Variants in SP110 observed in about 807,000 individuals in gnomAD.
SP110 encodes the protein interferon-induced protein 41, 30kD.
SP110 carries 62 observed loss-of-function variants against 92.7 expected under a neutral mutation model. The observed-to-expected ratio is 0.67, with a 90% CI of 0.55 to 0.83. SP110 has a LOEUF of 0.83. SP110 is among the 40% of genes least tolerant of loss of function. SP110 has a pLI of 0.00. For synonymous variants in SP110, 273 were observed against 305.3 expected, an observed-to-expected ratio of 0.89 and a Z score of 1.10; for missense variants, 793 against 863.9, an observed-to-expected ratio of 0.92 and a Z score of 1.03.
intron 8 of SP110, among the ~76,000 whole-genome samples, chr2:230,206,215 A>G (rs886179322): frequency 2.0e-5 from 3 of 152,052 alleles, no homozygotes; most frequent in African/African-American, 7.2e-5. Context: ...AGTTGTCTAC[A>G]TATGTTATCA....
intron 12 of SP110, among the ~76,000 whole-genome samples, chr2:230,181,656 CT>C (rs1360158760): frequency 2.6e-5 from 4 of 152,166 alleles, no homozygotes; most frequent in African/African-American, 4.8e-5. Flanking sequence ...TGAACAGACA[CT>C]TCTCAAAAGA....
At chr2:230,188,365 T>C (rs562479890) in intron 10 of SP110, among the ~76,000 whole-genome samples, 2 of 152,308 alleles carry the variant, frequency 1.3e-5, no homozygotes, top group African/African-American at 4.8e-5. Context: ...ACTGGATTCA[T>C]TTATCAAATC....
intron 12 of SP110, among the ~76,000 whole-genome samples, chr2:230,179,402 G>GTCT (rs2042023660): frequency 2.0e-5 from 3 of 147,384 alleles, no homozygotes; most frequent in Non-Finnish European, 4.5e-5. Flanking sequence ...GCATGGAGTG[G>GTCT]CCAGCTCCAC....
intron 15 of SP110, 114 bp from the exon 16 acceptor site, chr2:230,172,288 C>A: frequency 1.3e-6 from 1 of 779,454 alleles, no homozygotes; most frequent in Non-Finnish European, 2.3e-6. Flanking sequence ...GAGGGTGGGA[C>A]ACCTCCCAGA....
At chr2:230,196,771 C>T (rs2148823928) in intron 10 of SP110, among the ~76,000 whole-genome samples, 1 of 151,922 alleles carries the variant, frequency 6.6e-6, no homozygotes, top group East Asian at 1.9e-4. Context: ...CAATTCCCAC[C>T]TATGAGTGAG....
chr2:230,217,392 A>G (rs1242282687), intron 1 of SP110, among the ~76,000 whole-genome samples: 1 of 152,214 alleles, frequency 6.6e-6, no homozygotes, highest in African/African-American at 2.4e-5. Context: ...TAAAAGGCTC[A>G]TGGGTATAGG....
Position 230,167,133 on chromosome 2 carries a change from G to A in SP110, c.*1991C>T, listed in dbSNP as rs1357911058. On this transcript the variant is annotated 3_prime_UTR_variant, in exon 19 of 19. Transcript: ENST00000258381. The stretch of plus-strand genomic sequence containing the variant: ...TTTTTTTTTTTTTTTTTGAGGCAGG[G>A]TCTCTGTTGTCCAGGCTGGAGTGCA... 1 of 147,060 alleles carries A rather than the reference G, an allele frequency of 6.8e-6. No homozygotes were observed. The highest frequency in any genetic ancestry group is 1.5e-5 in the Non-Finnish European group (1 of 67,188). The allele number at this position is 147,060 out of a possible 1,614,324, so 9.1% of individuals were successfully genotyped here.
At chr2:230,218,684 C>T (rs1302531216) in intron 1 of SP110, among the ~76,000 whole-genome samples, 1 of 152,128 alleles carries the variant, frequency 6.6e-6, no homozygotes, top group Non-Finnish European at 1.5e-5. Flanking sequence ...TAGTAACTCA[C>T]CCAAGGTATT....
At chr2:230,172,200 A>C (rs2078462593) in intron 15 of SP110, 26 bp from the exon 16 acceptor site, 2 of 1,397,090 alleles carry the variant, frequency 1.4e-6, no homozygotes, top group Non-Finnish European at 2.0e-6. Flanking sequence ...CAAGGTGAGC[A>C]GAGGGCAAAG....
chr2:230,215,737 C>G (rs2045081958), intron 2 of SP110, among the ~76,000 whole-genome samples: 1 of 152,186 alleles, frequency 6.6e-6, no homozygotes, highest in South Asian at 2.1e-4. Context: ...TGAATAAGAC[C>G]AACATGGAGT....
chr2:230,212,678 T>A (rs1476383149), intron 4 of SP110, 83 bp downstream of exon 4: 2 of 1,547,074 alleles, frequency 1.3e-6, no homozygotes, highest in African/African-American at 1.4e-5. Flanking sequence ...ACAATAAAAG[T>A]CAAGATGCTG....
chr2:230,217,788 C>T (rs377649070), intron 1 of SP110, among the ~76,000 whole-genome samples: 79 of 152,326 alleles, frequency 5.2e-4, no homozygotes, highest in African/African-American at 1.7e-3. Context: ...ACCTGGGCTA[C>T]GGCTGAAGCC....
chr2:230,171,223 G>A (rs2078432148), intron 17 of SP110, among the ~76,000 whole-genome samples: 1 of 152,218 alleles, frequency 6.6e-6, no homozygotes, highest in Non-Finnish European at 1.5e-5. Flanking sequence ...CTCCTGAGTA[G>A]CTGGGATTAG....
chr2:230,209,035 A>G (rs1441706110), intron 7 of SP110, among the ~76,000 whole-genome samples: 1 of 152,256 alleles, frequency 6.6e-6, no homozygotes, highest in Non-Finnish European at 1.5e-5. Context: ...AGGAAACAAC[A>G]AATAAATAAG....
At chr2:230,215,307 C>T (rs1451866592) in intron 2 of SP110, among the ~76,000 whole-genome samples, 189 bp from the exon 3 acceptor site, 1 of 152,150 alleles carries the variant, frequency 6.6e-6, no homozygotes, top group African/African-American at 2.4e-5. Flanking sequence ...AAACTTTACA[C>T]ATATTTGGAT....
In SP110 at chr2:230,172,889, C is replaced by G. The variant is rs199745658; in HGVS notation, c.1661G>C (p.Arg554Pro). 4.3e-6 allele frequency: 7 copies of G among 1,614,108 alleles called. No individual in the cohort carries two copies. The highest frequency in any genetic ancestry group is 5.9e-6 in the Non-Finnish European group (7 of 1,179,968). ...GQLLCCGTCP[R>P]VFHEDCHIPP... is the part of the protein sequence containing the mutation. The stretch of plus-strand genomic sequence containing the variant: ...GATGTGACAGTCCTCATGGAAGACT[C>G]GTGGACAAGTACCGCAGCAGAGAAG... The change falls in exon 15 of 19, where the codon CGA becomes CCA. Residue 554 changes from arginine (R) to proline (P), a missense_variant. Coordinates refer to ENST00000258381, the MANE Select transcript of SP110 (RefSeq NM_080424.4).
chr2:230,175,778 G>T (rs2041829658), intron 14 of SP110, among the ~76,000 whole-genome samples: 1 of 152,174 alleles, frequency 6.6e-6, no homozygotes, highest in African/African-American at 2.4e-5. Flanking sequence ...ATGCCCTGTA[G>T]AGACAAAGCT....
At chr2:230,186,222 T>A in intron 10 of SP110, 79 bp from the exon 11 acceptor site, 2 of 1,369,356 alleles carry the variant, frequency 1.5e-6, no homozygotes, top group Non-Finnish European at 2.1e-6. Context: ...GGAGTTATCT[T>A]GCCATTTCTC....
chr2:230,194,201 G>A (rs1305559283), intron 10 of SP110, among the ~76,000 whole-genome samples: 1 of 152,144 alleles, frequency 6.6e-6, no homozygotes, highest in African/African-American at 2.4e-5. Flanking sequence ...TGGGAGCTGG[G>A]ACAAGATCTC....
Sources: gnomAD v4.1 joint callset for allele counts (sites outside exome capture counted in the v4.1 genomes callset) on GRCh38, gnomAD v4.1.1 for gene constraint, MANE v1.5 for transcripts, NCBI Gene and HGNC (gene_info 2026-07-23, HGNC 2026-07-21) for gene names.